The following NUBPL variants were observed in gnomAD, a reference collection of about 807,000 sequenced individuals.
NUBPL encodes the protein NUBP iron-sulfur cluster assembly factor, mitochondrial.
NUBPL carries 31 observed loss-of-function variants against 45.7 expected under a neutral mutation model. The observed-to-expected ratio is 0.68, with a 90% CI of 0.51 to 0.92. The LOEUF is 0.92. NUBPL is among the 40% of genes least tolerant of loss of function. NUBPL has a pLI of 0.00. For synonymous variants in NUBPL, 144 were observed against 140.9 expected, an observed-to-expected ratio of 1.02 and a Z score of -0.15; for missense variants, 401 against 398.7, an observed-to-expected ratio of 1.01 and a Z score of -0.05.
At chr14:31,634,624 A>C (rs1020275462) in intron 4 of NUBPL, among the ~76,000 whole-genome samples, 9 of 152,116 alleles carry the variant, frequency 5.9e-5, no homozygotes, top group East Asian at 1.9e-4. Context: ...TGGCTGGGTC[A>C]AATGGTATTT....
At chr14:31,816,382 T>C (rs541023170) in intron 7 of NUBPL, among the ~76,000 whole-genome samples, 1 of 152,298 alleles carries the variant, frequency 6.6e-6, no homozygotes, top group East Asian at 1.9e-4. Flanking sequence ...TGATATCCCC[T>C]TTATCATTTT....
intron 6 of NUBPL, among the ~76,000 whole-genome samples, chr14:31,749,021 A>G (rs1239630715): frequency 6.6e-6 from 1 of 152,132 alleles, no homozygotes; most frequent in Non-Finnish European, 1.5e-5. Context: ...CTGTCTTTAC[A>G]TGTAAAGTGA....
intron 6 of NUBPL, among the ~76,000 whole-genome samples, chr14:31,779,867 C>G (rs1459423703): frequency 6.6e-6 from 1 of 152,144 alleles, no homozygotes; most frequent in Non-Finnish European, 1.5e-5. Flanking sequence ...CAAACCGAGG[C>G]AGGTTTTTGG....
intron 10 of NUBPL, among the ~76,000 whole-genome samples, chr14:31,851,988 G>T (rs1416599151): frequency 6.6e-6 from 1 of 152,160 alleles, no homozygotes; most frequent in African/African-American, 2.4e-5. Flanking sequence ...ACCATCCAAA[G>T]ATAATATGAT....
chr14:31,576,898 G>A (rs1300371646), intron 3 of NUBPL, among the ~76,000 whole-genome samples: 6 of 152,204 alleles, frequency 3.9e-5, no homozygotes, highest in Non-Finnish European at 8.8e-5. Flanking sequence ...GCTTTTGCAT[G>A]GCTGTTCCAT....
intron 7 of NUBPL, among the ~76,000 whole-genome samples, chr14:31,807,901 T>G (rs1420311027): frequency 6.6e-6 from 1 of 152,192 alleles, no homozygotes; most frequent in Non-Finnish European, 1.5e-5. Flanking sequence ...ATTTCTTGTT[T>G]TTGTTAGGTT....
intron 6 of NUBPL, among the ~76,000 whole-genome samples, chr14:31,762,073 A>G (rs997082783): frequency 1.3e-5 from 2 of 152,176 alleles, no homozygotes; most frequent in Non-Finnish European, 2.9e-5. Flanking sequence ...GATGAAATTG[A>G]ATTGTTGCTA....
intron 7 of NUBPL, among the ~76,000 whole-genome samples, chr14:31,814,794 A>C (rs1262247472): frequency 6.6e-6 from 1 of 152,174 alleles, no homozygotes; most frequent in Non-Finnish European, 1.5e-5. Flanking sequence ...TAAATAGGGA[A>C]TCCTTTCCCC....
chr14:31,637,121 CTTCTGCTAGCTTTTGAATG>C (rs1215542747), intron 4 of NUBPL, among the ~76,000 whole-genome samples: 3 of 151,986 alleles, frequency 2.0e-5, no homozygotes, highest in Non-Finnish European at 4.4e-5. Context: ...TATTTCTTGC[CTTCTGCTAGCTTTTGAATG>C]TGTTTGCTCT....
rs549168011 is a variant in NUBPL at position 31,650,885 on chromosome 14, C to T, written c.383-22470C>T. On this transcript the variant is annotated intron_variant, in intron 4 of 10. Transcript: ENST00000281081. ...AAACTAGTATATGCAGAGATCACAA[C>T]GTGAGGGTGGAATCAAGGAGGGCAG... is the stretch of plus-strand genomic sequence containing the variant. Among the ~76,000 whole-genome samples the T allele has an allele frequency of 1.9e-4, 29 of 152,176 alleles. No individual in the cohort carries two copies. In the East Asian group the frequency reaches 1.9e-3, roughly 10 times the overall value.
chr14:31,729,633 A>G (rs1234057390), intron 6 of NUBPL, among the ~76,000 whole-genome samples: 1 of 152,082 alleles, frequency 6.6e-6, no homozygotes, highest in Non-Finnish European at 1.5e-5. Context: ...GCTTTTGCCT[A>G]GGAACTTGAT....
intron 4 of NUBPL, among the ~76,000 whole-genome samples, chr14:31,618,026 T>C (rs534016161): frequency 2.6e-4 from 40 of 152,254 alleles, no homozygotes; most frequent in Non-Finnish European, 4.9e-4. Flanking sequence ...TCCAGGAATT[T>C]ATCCATTTCT....
At chr14:31,586,310 T>C (rs879671209) in intron 3 of NUBPL, among the ~76,000 whole-genome samples, 44 of 152,308 alleles carry the variant, frequency 2.9e-4, no homozygotes, top group African/African-American at 8.9e-4. Flanking sequence ...GTATAAATAG[T>C]ATATTAATAC....
At chr14:31,626,747 T>C (rs2035216785) in intron 4 of NUBPL, among the ~76,000 whole-genome samples, 1 of 152,216 alleles carries the variant, frequency 6.6e-6, no homozygotes, top group Admixed American at 6.5e-5. Flanking sequence ...ATTTAGATTA[T>C]AAATAGAGCA....
At chr14:31,619,074 A>C (rs958964847) in intron 4 of NUBPL, among the ~76,000 whole-genome samples, 2 of 152,082 alleles carry the variant, frequency 1.3e-5, no homozygotes, top group African/African-American at 4.8e-5. Context: ...TGTTGGTTTA[A>C]AGTCTGTTTT....
chr14:31,799,357 C>G (rs751879241), intron 7 of NUBPL, among the ~76,000 whole-genome samples: 68 of 152,104 alleles, frequency 4.5e-4, no homozygotes, highest in Non-Finnish European at 7.6e-4. Flanking sequence ...AAGTTCTCCA[C>G]AAGTAAGGGT....
intron 4 of NUBPL, among the ~76,000 whole-genome samples, chr14:31,636,787 A>G (rs1392605801): frequency 6.6e-6 from 1 of 152,210 alleles, no homozygotes; most frequent in Non-Finnish European, 1.5e-5. Flanking sequence ...TGGTCTATTC[A>G]GAGATTCAAC....
chr14:31,707,527 T>C (rs1294277444), intron 6 of NUBPL, among the ~76,000 whole-genome samples: 2 of 152,126 alleles, frequency 1.3e-5, no homozygotes, highest in African/African-American at 4.8e-5. Context: ...TTGATTAGAG[T>C]ATAGAGGGGC....
chr14:31,635,719 T>TG (rs200274377), intron 4 of NUBPL, among the ~76,000 whole-genome samples: 44,684 of 151,474 alleles, frequency 0.29, 7,474 homozygotes, highest in South Asian at 0.41. Flanking sequence ...TTCCTACCCA[T>TG]GAGCATGGAA....
Sources: allele counts gnomAD v4.1 joint callset (sites outside exome capture counted in the v4.1 genomes callset), GRCh38; gene constraint gnomAD v4.1.1; transcripts MANE v1.5; gene names NCBI Gene and HGNC (gene_info 2026-07-23, HGNC 2026-07-21).